CKAP5: variants seen among roughly 807,000 people sequenced by gnomAD.
CKAP5 encodes cytoskeleton associated protein 5, also known as cytoskeleton-associated protein 5.
CKAP5 carries 27 observed loss-of-function variants against 232.8 expected under a neutral mutation model. The ratio of observed to expected loss-of-function variants is 0.12; its 90% CI spans 0.09 to 0.16. The LOEUF (loss-of-function observed/expected upper bound fraction) is 0.16. CKAP5 is among the 10% of genes least tolerant of loss of function. The pLI is 1.00. For synonymous variants in CKAP5, 785 were observed against 841.1 expected, an observed-to-expected ratio of 0.93 and a Z score of 1.16; for missense variants, 1,838 against 2,424.7, an observed-to-expected ratio of 0.76 and a Z score of 5.08.
chr11:46,756,204 C>G (rs964939172), intron 35 of CKAP5, among the ~76,000 whole-genome samples: 2 of 152,040 alleles, frequency 1.3e-5, no homozygotes, highest in African/African-American at 4.8e-5. Context: ...CAAAAGAAAC[C>G]CTGAAACCAT....
chr11:46,753,580 T>C, intron 36 of CKAP5, 83 bp from the exon 37 acceptor site: 1 of 1,039,424 alleles, frequency 9.6e-7, no homozygotes, highest in African/African-American at 1.6e-5. Context: ...CTGATAAATA[T>C]TCAATTATGT....
intron 1 of CKAP5, among the ~76,000 whole-genome samples, chr11:46,826,297 G>A (rs1296237415): frequency 6.6e-6 from 1 of 152,142 alleles, no homozygotes; most frequent in Non-Finnish European, 1.5e-5. Flanking sequence ...CCTCTGGAGA[G>A]ACAGCTAAAC....
At chr11:46,844,214 T>C (rs1284631942) in intron 1 of CKAP5, among the ~76,000 whole-genome samples, 1 of 147,834 alleles carries the variant, frequency 6.8e-6, no homozygotes, top group Non-Finnish European at 1.5e-5. Context: ...AGAGCAAGAC[T>C]CTGTCTTAAA....
intron 8 of CKAP5, among the ~76,000 whole-genome samples, chr11:46,803,472 T>G (rs1055012780): frequency 6.6e-6 from 1 of 152,050 alleles, no homozygotes; most frequent in African/African-American, 2.4e-5. Flanking sequence ...TTCTTCATGT[T>G]GCCCAGTCTG....
At chr11:46,788,626 T>C in intron 16 of CKAP5, 55 bp downstream of exon 16, 2 of 1,023,860 alleles carry the variant, frequency 2.0e-6, no homozygotes, top group East Asian at 2.4e-5. Flanking sequence ...CTCCATAGGA[T>C]GATGTAATGT....
At position 46,763,607 on chromosome 11, in the gene CKAP5, G is replaced by T; in HGVS notation, c.3561C>A (p.Thr1187=). The T allele has an allele frequency of 6.4e-7, 1 of 1,563,628 alleles. No homozygotes were observed. The highest frequency in any genetic ancestry group is 1.4e-5 in the African/African-American group (1 of 72,394). Residue 1187 remains threonine, a synonymous_variant, in exon 29 of 44, where the codon ACC becomes ACA. Transcript: ENST00000529230. Reference sequence around the variant, plus strand: ...GTTGCTCAATGTATTCATCCCGTGGGGTAGTAAAATTCCACTTTAGCACCT... The same window carrying T: ...GTTGCTCAATGTATTCATCCCGTGGTGTAGTAAAATTCCACTTTAGCACCT... The part of the protein sequence containing the change: ...GLKVLKWNFT[T]PRDEYIEQLK...
intron 3 of CKAP5, among the ~76,000 whole-genome samples, chr11:46,816,786 ATTTTTTTTT>A (rs397848056): frequency 3.1e-5 from 4 of 127,188 alleles, no homozygotes; most frequent in African/African-American, 6.0e-5. Flanking sequence ...CTTGCTTTCA[ATTTTTTTTT>A]TTTTTTTTTT....
intron 1 of CKAP5, among the ~76,000 whole-genome samples, chr11:46,837,686 CAT>C (rs146581518): frequency 0.027 from 4,173 of 152,206 alleles, 83 homozygotes; most frequent in Non-Finnish European, 0.042. Context: ...CACACACACA[CAT>C]GTATGTTAAA....
intron 1 of CKAP5, among the ~76,000 whole-genome samples, chr11:46,840,671 C>G (rs1259028426): frequency 6.6e-6 from 1 of 152,162 alleles, no homozygotes; most frequent in Non-Finnish European, 1.5e-5. Context: ...CCAGAGAGGG[C>G]ATGGAAGCTC....
intron 13 of CKAP5, 84 bp from the exon 14 acceptor site, chr11:46,790,667 G>C (rs985432517): frequency 1.1e-5 from 10 of 927,142 alleles, no homozygotes; most frequent in Non-Finnish European, 1.5e-5. Flanking sequence ...TTTTGAGACA[G>C]TGTCTCATAT....
chr11:46,794,758 C>T (rs1387510781), intron 13 of CKAP5, among the ~76,000 whole-genome samples: 1 of 152,148 alleles, frequency 6.6e-6, no homozygotes, highest in African/African-American at 2.4e-5. Context: ...ATCACTTGAG[C>T]CTGGGAGTTC....
chr11:46,845,906 C>G (rs1240940740), intron 1 of CKAP5, among the ~76,000 whole-genome samples: 3 of 151,946 alleles, frequency 2.0e-5, no homozygotes, highest in Non-Finnish European at 2.9e-5. Flanking sequence ...CTTGGTAAAT[C>G]GCTGCCGCCA....
At chr11:46,744,680 T>A in intron 42 of CKAP5, 103 bp from the exon 43 acceptor site, 1 of 1,157,148 alleles carries the variant, frequency 8.6e-7, no homozygotes, top group South Asian at 1.5e-5. Context: ...GAATTTCCTA[T>A]ACTTGAAAAC....
intron 23 of CKAP5, 65 bp downstream of exon 23, chr11:46,777,374 C>G: frequency 1.0e-6 from 1 of 1,000,896 alleles, no homozygotes; most frequent in East Asian, 2.4e-5. Context: ...AGAGAATTAT[C>G]TTTAACCCAA....
intron 34 of CKAP5, 36 bp downstream of exon 34, chr11:46,759,233 G>A: frequency 1.3e-6 from 2 of 1,591,878 alleles, no homozygotes; most frequent in Non-Finnish European, 1.7e-6. Context: ...TGATCATCAT[G>A]AACTGCTCAT....
At chr11:46,767,028 CTTTT>C (rs750036376) in intron 27 of CKAP5, among the ~76,000 whole-genome samples, 1 of 135,574 alleles carries the variant, frequency 7.4e-6, no homozygotes, top group Non-Finnish European at 1.6e-5. Context: ...ATGCTTTCTC[CTTTT>C]TTTTTTTTTT....
In CKAP5 at chr11:46,783,274, C is replaced by A; in HGVS notation, c.2249G>T (p.Gly750Val). ...SNAIKEFGFS[G>V]LNVKAFISNV... The stretch of plus-strand genomic sequence containing the variant: ...TCCACTTGATTTCGTTCTGACTTAC[C>A]CAGAAAAACCAAATTCTTTTATGGC... The change falls in exon 18 of 44, where the codon GGG (glycine) becomes GTG (valine). Residue 750 changes from glycine to valine, a missense_variant and splice_region_variant. Around this residue, in one of 6 missense-constraint regions of CKAP5, gnomAD observed 767 missense variants for 954.6 expected, o/e 0.80. Coordinates refer to ENST00000529230, the MANE Select transcript of CKAP5 (RefSeq NM_001008938.4). 6.3e-7 allele frequency: 1 copy of A among 1,585,534 alleles called. No individual in the cohort carries two copies. Among genetic ancestry groups the A allele is most frequent in the South Asian group, 1.1e-5 (1 of 89,582 alleles).
chr11:46,818,215 A>G, intron 3 of CKAP5, 95 bp downstream of exon 3: 1 of 949,270 alleles, frequency 1.1e-6, no homozygotes, highest in Non-Finnish European at 1.5e-6. Flanking sequence ...ATCTATTCTA[A>G]AACTGCTAAT....
rs116815965 is a variant in CKAP5, at chr11:46,796,974, G to A, written c.1339-34C>T. The A allele has an allele frequency of 1.3e-3, 2,029 of 1,610,156 alleles. 16 individuals are homozygous for A. The African/African-American group carries it at 0.025, about 20-fold the overall frequency. ...CAGAAGTAAGCAAAATGATATTAAT[G>A]CAAGGTATTTTAGGCATTACTCATT... On this transcript the variant is annotated intron_variant, in intron 11 of 43. Coordinates refer to ENST00000529230, the MANE Select transcript of CKAP5 (RefSeq NM_001008938.4).
Sources: allele counts gnomAD v4.1 joint callset (sites outside exome capture counted in the v4.1 genomes callset), GRCh38; gene constraint gnomAD v4.1.1; regional missense constraint gnomAD v4.1.1; transcripts MANE v1.5; gene names NCBI Gene and HGNC (gene_info 2026-07-23, HGNC 2026-07-21).